Variants in PKNOX2 observed in about 807,000 individuals in gnomAD.
PKNOX2 encodes the protein homeobox protein PKNOX2.
A neutral mutation model predicts 53.1 loss-of-function variants in PKNOX2; 14 were observed. The ratio of observed to expected loss-of-function variants is 0.26; its 90% CI spans 0.17 to 0.41. PKNOX2 has a LOEUF of 0.41. Among genes scored for constraint, PKNOX2 ranks in the 10% least tolerant of loss-of-function variants. The probability of loss-of-function intolerance (pLI) is 1.00; values close to 1 mark genes in which losing one functional copy is unlikely to be tolerated. For missense variants in PKNOX2, 496 were observed against 602.8 expected, an observed-to-expected ratio of 0.82 and a Z score of 1.85; for synonymous variants, 257 against 242.8, an observed-to-expected ratio of 1.06 and a Z score of -0.54.
At chr11:125,215,480 G>T (rs374857085) in intron 1 of PKNOX2, among the ~76,000 whole-genome samples, 1 of 152,040 alleles carries the variant, frequency 6.6e-6, no homozygotes, top group African/African-American at 2.4e-5. Flanking sequence ...TGCTGGGCGC[G>T]GTGGCTCATG....
At chr11:125,181,748 C>A (rs140262941) in intron 1 of PKNOX2, among the ~76,000 whole-genome samples, 1 of 152,156 alleles carries the variant, frequency 6.6e-6, no homozygotes, top group Non-Finnish European at 1.5e-5. Flanking sequence ...TTGGGAGATT[C>A]GGAGAAGATC....
chr11:125,392,345 T>G (rs779487543), intron 6 of PKNOX2, among the ~76,000 whole-genome samples: 43 of 152,240 alleles, frequency 2.8e-4, no homozygotes, highest in Admixed American at 6.5e-5. Context: ...CCAGGCTGCC[T>G]GACAATGAAC....
chr11:125,203,992 T>C (rs1049630536), intron 1 of PKNOX2, among the ~76,000 whole-genome samples: 17 of 152,074 alleles, frequency 1.1e-4, no homozygotes, highest in Admixed American at 1.0e-3. Context: ...GCTCAGAGGG[T>C]GGGGCACCTT....
intron 2 of PKNOX2, among the ~76,000 whole-genome samples, chr11:125,324,114 ATTC>A (rs1444831361): frequency 7.9e-5 from 12 of 152,070 alleles, no homozygotes; most frequent in African/African-American, 1.9e-4. Flanking sequence ...GAGAAGAAGA[ATTC>A]TTCTTGTTTA....
intron 2 of PKNOX2, among the ~76,000 whole-genome samples, chr11:125,327,952 A>G (rs776128202): frequency 1.4e-4 from 21 of 152,210 alleles, no homozygotes; most frequent in Non-Finnish European, 2.4e-4. Context: ...GAACAGGGTC[A>G]GCTTCTTTCC....
intron 2 of PKNOX2, among the ~76,000 whole-genome samples, chr11:125,236,006 GT>G (rs1375038944): frequency 2.0e-5 from 3 of 152,226 alleles, no homozygotes; most frequent in Non-Finnish European, 4.4e-5. Context: ...AGGCTGAGCT[GT>G]TGCTGCCGCG....
In PKNOX2 at chr11:125,370,935, G is replaced by C. The variant is rs903628755; in HGVS notation, c.227+2950G>C. Among the ~76,000 whole-genome samples the C allele has an allele frequency of 2.6e-4, 39 of 152,212 alleles. 1 individual carries two copies. Among genetic ancestry groups the C allele is most frequent in the African/African-American group, 8.4e-4 (35 of 41,460 alleles). On this transcript the variant is annotated intron_variant, in intron 5 of 12. Transcript: ENST00000298282. The surrounding 1 kb of genome is among the most constrained non-coding windows in gnomAD (Gnocchi z 4.1). ...CATCATGGCCCCTGCTAGAACCACA[G>C]ATGAAGGAAGGGTGGGTGTGGCCCC...
At chr11:125,387,964 C>T (rs1480065131) in intron 6 of PKNOX2, among the ~76,000 whole-genome samples, 3 of 151,988 alleles carry the variant, frequency 2.0e-5, no homozygotes, top group African/African-American at 4.8e-5. Context: ...GATGGTAATA[C>T]AAAATTAATG....
At chr11:125,343,600 G>T (rs994464364) in intron 3 of PKNOX2, among the ~76,000 whole-genome samples, 1 of 152,200 alleles carries the variant, frequency 6.6e-6, no homozygotes, top group Admixed American at 6.5e-5. Context: ...TTATTGTTAA[G>T]CTCCTCGGTA....
At chr11:125,268,183 G>A (rs1440983247) in intron 2 of PKNOX2, among the ~76,000 whole-genome samples, 1 of 152,184 alleles carries the variant, frequency 6.6e-6, no homozygotes, top group Admixed American at 6.5e-5. Flanking sequence ...CTCGGAAAAC[G>A]TCGGCCCCCA....
intron 3 of PKNOX2, among the ~76,000 whole-genome samples, chr11:125,343,964 C>T (rs1459568664): frequency 6.6e-6 from 1 of 152,206 alleles, no homozygotes; most frequent in Admixed American, 6.5e-5. Flanking sequence ...GGTGGGGCTC[C>T]TCTCTGGGAA....
intron 2 of PKNOX2, among the ~76,000 whole-genome samples, chr11:125,290,966 G>A (rs779564928): frequency 6.6e-6 from 1 of 152,156 alleles, no homozygotes; most frequent in African/African-American, 2.4e-5. Flanking sequence ...GATGGGAGAA[G>A]GGTGTTTCCG....
At chr11:125,270,854 T>C (rs1404781395) in intron 2 of PKNOX2, among the ~76,000 whole-genome samples, 3 of 152,132 alleles carry the variant, frequency 2.0e-5, no homozygotes, top group Non-Finnish European at 2.9e-5. Context: ...CTCCCCTGAC[T>C]CAGGCTCCTG....
At chr11:125,282,910 G>A (rs1361739883) in intron 2 of PKNOX2, among the ~76,000 whole-genome samples, 1 of 152,212 alleles carries the variant, frequency 6.6e-6, no homozygotes, top group Non-Finnish European at 1.5e-5. Flanking sequence ...CCAGCACTTT[G>A]GGGTGCTGAG....
chr11:125,180,336 G>T (rs1300105287), intron 1 of PKNOX2, among the ~76,000 whole-genome samples: 2 of 152,126 alleles, frequency 1.3e-5, no homozygotes, highest in African/African-American at 4.8e-5. Flanking sequence ...ATCCGGAATA[G>T]TACTTGGCTG....
At chr11:125,189,858 C>T (rs1472804680) in intron 1 of PKNOX2, 3 of 152,032 alleles carry the variant, frequency 2.0e-5, no homozygotes, top group Non-Finnish European at 4.4e-5. Context: ...AACTATACAT[C>T]CCTGCTTTCC....
intron 4 of PKNOX2, among the ~76,000 whole-genome samples, chr11:125,355,384 G>A (rs1202213948): frequency 1.3e-5 from 2 of 151,922 alleles, no homozygotes; most frequent in Non-Finnish European, 2.9e-5. Flanking sequence ...AATTCTGCCA[G>A]AGTAGCAGCG....
At chr11:125,390,554 G>C (rs897201321) in intron 6 of PKNOX2, among the ~76,000 whole-genome samples, 1 of 152,232 alleles carries the variant, frequency 6.6e-6, no homozygotes, top group Non-Finnish European at 1.5e-5. Context: ...CTCACCGTAG[G>C]TGGAAGACCC....
At chr11:125,402,579 G>A (rs1954816896) in intron 7 of PKNOX2, among the ~76,000 whole-genome samples, 1 of 152,148 alleles carries the variant, frequency 6.6e-6, no homozygotes, top group African/African-American at 2.4e-5. Context: ...ACAGACACAA[G>A]CCATTGTCCA....
Sources: gnomAD v4.1 joint callset for allele counts (sites outside exome capture counted in the v4.1 genomes callset) on GRCh38, gnomAD v4.1.1 for gene constraint, Gnocchi (gnomAD v3.1) non-coding constraint, MANE v1.5 for transcripts, NCBI Gene and HGNC (gene_info 2026-07-23, HGNC 2026-07-21) for gene names.